Variants in FMNL2 observed in about 807,000 individuals in gnomAD.
FMNL2 encodes the protein formin like 2, also known as formin-like protein 2.
In FMNL2, 51 loss-of-function variants were observed where a neutral mutation model predicts 130.2. The ratio of observed to expected loss-of-function variants is 0.39; its 90% confidence interval spans 0.31 to 0.49. The LOEUF is 0.49. Among genes scored for constraint, FMNL2 ranks in the 20% least tolerant of loss-of-function variants. The pLI, the probability that FMNL2 is intolerant of heterozygous loss-of-function variation, is 0.85. For synonymous variants in FMNL2, 465 were observed against 467.1 expected, an observed-to-expected ratio of 1.00 and a Z score of 0.06; for missense variants, 977 against 1,316.2, an observed-to-expected ratio of 0.74 and a Z score of 3.99.
intron 1 of FMNL2, chr2:152,390,248 G>A: frequency 6.9e-7 from 1 of 1,453,754 alleles, no homozygotes; most frequent in Admixed American, 1.7e-5. Flanking sequence ...TGGACATCCA[G>A]GGGCAGCACC....
At chr2:152,593,860 A>AGAGAGAGTGT (rs1365489869) in intron 9 of FMNL2, among the ~76,000 whole-genome samples, 6 of 113,348 alleles carry the variant, frequency 5.3e-5, no homozygotes, top group East Asian at 5.9e-4. Flanking sequence ...AGAGAGAGAG[A>AGAGAGAGTGT]GTGTGTGTGT....
At chr2:152,606,912 T>G (rs1410935548) in intron 9 of FMNL2, among the ~76,000 whole-genome samples, 1 of 151,934 alleles carries the variant, frequency 6.6e-6, no homozygotes, top group African/African-American at 2.4e-5. Flanking sequence ...TATGAACATT[T>G]TAAATGTGCC....
intron 1 of FMNL2, among the ~76,000 whole-genome samples, chr2:152,509,502 C>T (rs1034913100): frequency 1.4e-4 from 21 of 151,828 alleles, no homozygotes; most frequent in African/African-American, 5.1e-4. Context: ...CTTTCCCTCT[C>T]ATTGGATAAA....
chr2:152,549,023 A>T lies in FMNL2; in HGVS notation c.285A>T (p.Lys95Asn), dbSNP rs950102156. 3.1e-6 allele frequency: 5 copies of T among 1,603,840 alleles called. No individual in the cohort carries two copies. Among genetic ancestry groups the T allele is most frequent in the Non-Finnish European group, 3.4e-6 (4 of 1,176,434 alleles). ...GAATATGTGTTCTTGAATTATAGAAATTCAGACGGCGTGTTCAAGAATCTA... is the reference window on the plus strand; with the variant it reads ...GAATATGTGTTCTTGAATTATAGAATTTCAGACGGCGTGTTCAAGAATCTA... ...GYLDPAVTRKKFRRRVQESTQ... is the reference protein window; with the variant it reads ...GYLDPAVTRKNFRRRVQESTQ... Residue 95 changes from lysine to asparagine, a missense_variant and splice_region_variant, in exon 4 of 26, where the codon AAA (lysine) becomes AAT (asparagine). Coordinates refer to ENST00000288670, the MANE Select transcript of FMNL2 (RefSeq NM_052905.4).
intron 3 of FMNL2, among the ~76,000 whole-genome samples, chr2:152,545,889 T>A (rs1427588042): frequency 1.3e-5 from 2 of 152,216 alleles, no homozygotes; most frequent in Non-Finnish European, 2.9e-5. Context: ...AGCCGTTCCT[T>A]AGATAATGTA....
intron 2 of FMNL2, among the ~76,000 whole-genome samples, chr2:152,531,211 C>T (rs911319223): frequency 2.6e-5 from 4 of 152,120 alleles, no homozygotes; most frequent in African/African-American, 9.7e-5. Flanking sequence ...ATAAGATGAG[C>T]ACATCTAACA....
intron 10 of FMNL2, among the ~76,000 whole-genome samples, chr2:152,611,294 A>T (rs1378694649): frequency 6.6e-6 from 1 of 152,158 alleles, no homozygotes; most frequent in Admixed American, 6.5e-5. Context: ...AGCCGAGATC[A>T]TGCCACTGCA....
chr2:152,363,502 T>C (rs1410258697), intron 1 of FMNL2, among the ~76,000 whole-genome samples: 1 of 152,182 alleles, frequency 6.6e-6, no homozygotes, highest in Admixed American at 6.5e-5. Flanking sequence ...TCTGAAGTGC[T>C]TTGTAGAATA....
intron 1 of FMNL2, among the ~76,000 whole-genome samples, chr2:152,431,166 A>T (rs1269773352): frequency 5.9e-5 from 9 of 152,174 alleles, no homozygotes; most frequent in Non-Finnish European, 1.2e-4. Context: ...GAAAAAAGAG[A>T]CTATCTTTAG....
intron 1 of FMNL2, among the ~76,000 whole-genome samples, chr2:152,439,034 T>C (rs1165251031): frequency 6.6e-6 from 1 of 151,798 alleles, no homozygotes; most frequent in Non-Finnish European, 1.5e-5. Flanking sequence ...ATAAAAGGCA[T>C]TCAGATTCTT....
In FMNL2 at chr2:152,640,856, T is replaced by C. The variant is rs1418314200; in HGVS notation, c.3111T>C (p.Val1037=). The C allele has an allele frequency of 5.0e-6, 8 of 1,613,850 alleles. No individual in the cohort carries two copies. Among genetic ancestry groups the C allele is most frequent in the Non-Finnish European group, 6.8e-6 (8 of 1,179,812 alleles). The change falls in exon 25 of 26, where the codon GTT becomes GTC. Residue 1037 remains valine (V), a synonymous_variant. Transcript: ENST00000288670. ...TTGCAGAATTAAGAAGACGACAAGT[T>C]AAAGATAACAGACATGTATATGAGG... ...ELIAELRRRQ[V]KDNRHVYEGK...
chr2:152,377,545 A>G (rs986926994), intron 1 of FMNL2, among the ~76,000 whole-genome samples: 1 of 152,354 alleles, frequency 6.6e-6, no homozygotes. Flanking sequence ...CAGTTGCTCT[A>G]GCTACATTAC....
chr2:152,473,833 A>T (rs1169611758), intron 1 of FMNL2, among the ~76,000 whole-genome samples: 1 of 152,144 alleles, frequency 6.6e-6, no homozygotes, highest in African/African-American at 2.4e-5. Flanking sequence ...AGTTTATCAC[A>T]TTTGGAATTT....
intron 1 of FMNL2, among the ~76,000 whole-genome samples, chr2:152,519,369 G>C (rs539945727): frequency 2.6e-5 from 4 of 152,264 alleles, no homozygotes; most frequent in African/African-American, 9.6e-5. Flanking sequence ...TTGTACAGGG[G>C]CAGTGCTCCA....
intron 2 of FMNL2, among the ~76,000 whole-genome samples, chr2:152,534,273 C>T (rs1333288095): frequency 6.6e-6 from 1 of 152,192 alleles, no homozygotes; most frequent in African/African-American, 2.4e-5. Flanking sequence ...TAGCTCCTCC[C>T]ATGCTACTTG....
At chr2:152,626,498 T>G in intron 16 of FMNL2, 27 bp from the exon 17 acceptor site, 2 of 1,550,496 alleles carry the variant, frequency 1.3e-6, no homozygotes, top group Non-Finnish European at 1.7e-6. Context: ...TAATCCAATT[T>G]TCCATGGTCA....
At chr2:152,593,645 T>C (rs930065591) in intron 9 of FMNL2, among the ~76,000 whole-genome samples, 3 of 152,184 alleles carry the variant, frequency 2.0e-5, no homozygotes, top group Admixed American at 2.0e-4. Flanking sequence ...TCAAATAATA[T>C]ACACTTAATG....
intron 1 of FMNL2, among the ~76,000 whole-genome samples, chr2:152,448,332 CAACTT>C (rs1424758413): frequency 6.6e-6 from 1 of 152,048 alleles, no homozygotes; most frequent in African/African-American, 2.4e-5. Context: ...TGCTTAGAAG[CAACTT>C]TTAGGGAGTT....
intron 1 of FMNL2, among the ~76,000 whole-genome samples, chr2:152,354,130 G>A (rs1004860672): frequency 6.6e-6 from 1 of 152,188 alleles, no homozygotes; most frequent in Non-Finnish European, 1.5e-5. Context: ...CCTAATGGAA[G>A]TGCTAGTGTT....
Sources: allele counts gnomAD v4.1 joint callset (sites outside exome capture counted in the v4.1 genomes callset), GRCh38; gene constraint gnomAD v4.1.1; transcripts MANE v1.5; gene names NCBI Gene and HGNC (gene_info 2026-07-23, HGNC 2026-07-21).